Variants in MSL2 observed in about 807,000 individuals in gnomAD.
The protein encoded by MSL2 is MSL complex subunit 2, also known as E3 ubiquitin-protein ligase MSL2.
MSL2 carries 2 observed loss-of-function variants against 35.8 expected under a neutral mutation model. That is an observed-to-expected ratio of 0.06 (90% CI 0.02 to 0.18). The LOEUF is 0.18. Ranked by LOEUF, MSL2 falls within the 10% of genes least tolerant of loss-of-function variation. The pLI, the probability that MSL2 is intolerant of heterozygous loss-of-function variation, is 1.00. For missense variants in MSL2, 523 were observed against 706.7 expected, an observed-to-expected ratio of 0.74 and a Z score of 2.95; for synonymous variants, 296 against 255.7, an observed-to-expected ratio of 1.16 and a Z score of -1.50.
At position 136,150,138 on chromosome 3, in the gene MSL2, G is replaced by T. The variant is rs1939309515; in HGVS notation, c.*1009C>A. ...CTAAATGCACAGGCTTTATAAAAAGGCATTCTTATTAGGCCTCTATAAAGA... is the reference window on the plus strand; with the variant it reads ...CTAAATGCACAGGCTTTATAAAAAGTCATTCTTATTAGGCCTCTATAAAGA... On this transcript the variant is annotated 3_prime_UTR_variant, in exon 2 of 2. Transcript: ENST00000309993. 1 of 152,502 alleles carries T rather than the reference G, an allele frequency of 6.6e-6. No homozygotes were observed. The highest frequency in any genetic ancestry group is 1.5e-5 in the Non-Finnish European group (1 of 68,020). 9.4% of individuals were successfully genotyped at this position (152,502 alleles called of 1,614,324 possible). A position where few individuals can be genotyped will look rare whatever the true frequency, so the allele number is the denominator to read the frequency against.
At chr3:136,192,826 A>C (rs1231408851) in intron 1 of MSL2, among the ~76,000 whole-genome samples, 3 of 152,218 alleles carry the variant, frequency 2.0e-5, no homozygotes, top group Non-Finnish European at 4.4e-5. Flanking sequence ...TGAATGCACT[A>C]ATGCTTTTCA....
At chr3:136,178,192 G>A (rs1940236090) in intron 1 of MSL2, among the ~76,000 whole-genome samples, 1 of 152,138 alleles carries the variant, frequency 6.6e-6, no homozygotes, top group Non-Finnish European at 1.5e-5. Context: ...AACTAAGTAG[G>A]GGAGGCTTTT....
chr3:136,156,351 G>A (rs556507531), intron 1 of MSL2, among the ~76,000 whole-genome samples: 1 of 152,150 alleles, frequency 6.6e-6, no homozygotes, highest in Non-Finnish European at 1.5e-5. Flanking sequence ...GAAGCAAATG[G>A]GAGAGGGAGG....
At chr3:136,159,327 GATTC>G (rs2108065299) in intron 1 of MSL2, among the ~76,000 whole-genome samples, 1 of 140,988 alleles carries the variant, frequency 7.1e-6, no homozygotes, top group South Asian at 2.4e-4. Context: ...GTATCCAGAT[GATTC>G]AATGGGGAAA....
At chr3:136,158,682 T>C (rs537773881) in intron 1 of MSL2, among the ~76,000 whole-genome samples, 1 of 151,886 alleles carries the variant, frequency 6.6e-6, no homozygotes, top group African/African-American at 2.4e-5. Context: ...ATTGTTTTAG[T>C]AATGGATTAC....
chr3:136,185,798 G>A (rs1322388396), intron 1 of MSL2, among the ~76,000 whole-genome samples: 1 of 152,220 alleles, frequency 6.6e-6, no homozygotes, highest in South Asian at 2.1e-4. Flanking sequence ...GAGCCACCAC[G>A]CCTGGCCAGG....
chr3:136,180,148 A>T (rs774777833), intron 1 of MSL2, among the ~76,000 whole-genome samples: 1 of 152,242 alleles, frequency 6.6e-6, no homozygotes, highest in Non-Finnish European at 1.5e-5. Context: ...AAAATGGCAT[A>T]CATTACACAG....
chr3:136,184,015 G>C (rs1940439434), intron 1 of MSL2, among the ~76,000 whole-genome samples: 1 of 152,186 alleles, frequency 6.6e-6, no homozygotes, highest in Non-Finnish European at 1.5e-5. Context: ...TATGGTCCTG[G>C]CCAGGCGTGG....
At chr3:136,174,722 G>A (rs1940121887) in intron 1 of MSL2, among the ~76,000 whole-genome samples, 1 of 152,084 alleles carries the variant, frequency 6.6e-6, no homozygotes. Flanking sequence ...GCTTCAAGTG[G>A]ACATATATGC....
At chr3:136,180,927 G>A (rs1237954981) in intron 1 of MSL2, among the ~76,000 whole-genome samples, 1 of 151,400 alleles carries the variant, frequency 6.6e-6, no homozygotes, top group Non-Finnish European at 1.5e-5. Flanking sequence ...AGAGGAGGGT[G>A]GATCATCTGA....
chr3:136,153,175 G>A (rs1439609233), intron 1 of MSL2: 4 of 517,162 alleles, frequency 7.7e-6, no homozygotes, highest in East Asian at 3.0e-4. Context: ...TTCAGGCTAC[G>A]GTGAACTATG....
At chr3:136,181,778 G>A (rs1940371155) in intron 1 of MSL2, among the ~76,000 whole-genome samples, 1 of 151,992 alleles carries the variant, frequency 6.6e-6, no homozygotes, top group Non-Finnish European at 1.5e-5. Flanking sequence ...AACTAGCCGG[G>A]CGTGGTGGTA....
chr3:136,190,763 GA>G (rs1364033633), intron 1 of MSL2, among the ~76,000 whole-genome samples: 2 of 151,882 alleles, frequency 1.3e-5, no homozygotes, highest in Non-Finnish European at 2.9e-5. Flanking sequence ...CTTATCAAAA[GA>G]AAAAAACAAT....
intron 1 of MSL2, among the ~76,000 whole-genome samples, chr3:136,153,423 GAAA>G (rs1008937013): frequency 6.6e-6 from 1 of 151,364 alleles, no homozygotes. Flanking sequence ...TATCTTCACA[GAAA>G]AAAAAATTTT....
chr3:136,165,917 A>C (rs527886788), intron 1 of MSL2, among the ~76,000 whole-genome samples: 1 of 152,228 alleles, frequency 6.6e-6, no homozygotes, highest in South Asian at 2.1e-4. Flanking sequence ...TCGTAACACA[A>C]AGGATAAATA....
rs967055119 is a variant in MSL2, at chr3:136,151,064, G to A, written c.*83C>T. 42 of 1,444,534 alleles carry A rather than the reference G, an allele frequency of 2.9e-5. No individual in the cohort carries two copies. The highest frequency in any genetic ancestry group is 1.4e-4 in the African/African-American group (10 of 70,798). The allele number at this position is 1,444,534 out of a possible 1,614,324, so 89.5% of individuals were successfully genotyped here. ...CAAGTGATCTATATGCAGGAGCTCC[G>A]GCAAGTTAAACCAACAGAACCATAG... On this transcript the variant is annotated 3_prime_UTR_variant, in exon 2 of 2. Coordinates refer to ENST00000309993, the MANE Select transcript of MSL2 (RefSeq NM_018133.4). The surrounding 1 kb of genome is among the most constrained non-coding windows in gnomAD (Gnocchi z 5.2).
intron 1 of MSL2, among the ~76,000 whole-genome samples, chr3:136,156,376 A>G (rs1939522262): frequency 1.3e-5 from 2 of 152,170 alleles, no homozygotes; most frequent in African/African-American, 4.8e-5. Context: ...AAAACATAAA[A>G]TGGGTTACTT....
At chr3:136,183,216 C>T (rs557834509) in intron 1 of MSL2, among the ~76,000 whole-genome samples, 1 of 152,004 alleles carries the variant, frequency 6.6e-6, no homozygotes, top group South Asian at 2.1e-4. Context: ...GAGCAACAAA[C>T]CCAGAAAATG....
At position 136,181,505 on chromosome 3, in the gene MSL2, T is replaced by C. The variant is rs141881221; in HGVS notation, c.142+13467A>G. 3.0e-3 allele frequency among the ~76,000 whole-genome samples: 458 copies of C among 152,300 alleles called. 6 individuals carry two copies. Among genetic ancestry groups the C allele is most frequent in the African/African-American group, 0.011 (442 of 41,570 alleles). On this transcript the variant is annotated intron_variant, in intron 1 of 1. Transcript: ENST00000309993. ...TTTTTCTAAAGTAACAGAAGTCCTT[T>C]CACTACCACCGTGGAACACCTTCTT... is the stretch of plus-strand genomic sequence containing the variant.
Sources: gnomAD v4.1 joint callset for allele counts (sites outside exome capture counted in the v4.1 genomes callset) on GRCh38, gnomAD v4.1.1 for gene constraint, Gnocchi (gnomAD v3.1) non-coding constraint, MANE v1.5 for transcripts, NCBI Gene and HGNC (gene_info 2026-07-23, HGNC 2026-07-21) for gene names.